CCDC125: variants seen among roughly 807,000 people sequenced by gnomAD.
The protein encoded by CCDC125 is coiled-coil domain-containing protein 125.
CCDC125 carries 43 observed loss-of-function variants against 57.4 expected under a neutral mutation model. The observed-to-expected ratio is 0.75, with a 90% CI of 0.59 to 0.97. The LOEUF (loss-of-function observed/expected upper bound fraction) is 0.97, where lower values mean the gene tolerates loss of function less well. Among genes scored for constraint, CCDC125 ranks in the 50% least tolerant of loss-of-function variants. The pLI is 0.00. For synonymous variants in CCDC125, 187 were observed against 195.2 expected (o/e 0.96, Z 0.35); for missense variants, 563 against 595.7 (o/e 0.95, Z 0.57).
chr5:69,319,703 G>A (rs544540512), intron 2 of CCDC125, among the ~76,000 whole-genome samples: 2 of 151,494 alleles, frequency 1.3e-5, no homozygotes, highest in South Asian at 2.1e-4. Flanking sequence ...GGATGGTCTC[G>A]ATCTCTTGAC....
In CCDC125 at chr5:69,297,347, A is replaced by ATATTTATTTATT. The variant is rs376399179; in HGVS notation, c.817-2459_817-2448dup. ...TGAGCCACTGCGGCTGGCCTGTGCCATATTTATTTATTTATTTATTTATTT... is the reference window on the plus strand; with the variant it reads ...TGAGCCACTGCGGCTGGCCTGTGCCATATTTATTTATTTATTTATTTATTTATTTATTTATTT... On this transcript the variant is annotated intron_variant, in intron 8 of 11. Transcript: ENST00000396496. Among the ~76,000 whole-genome samples, 456 of 150,984 alleles carry ATATTTATTTATT rather than the reference A, an allele frequency of 3.0e-3. 4 individuals are homozygous for ATATTTATTTATT. Among genetic ancestry groups the ATATTTATTTATT allele is most frequent in the African/African-American group, 0.011 (441 of 40,972 alleles).
chr5:69,304,478 T>C (rs2150454662), intron 6 of CCDC125, among the ~76,000 whole-genome samples: 1 of 147,392 alleles, frequency 6.8e-6, no homozygotes, highest in South Asian at 2.2e-4. Context: ...TAGGCTGGAG[T>C]GCAGTCATGT....
At chr5:69,286,424 G>A (rs1427806321) in intron 10 of CCDC125, among the ~76,000 whole-genome samples, 1 of 150,792 alleles carries the variant, frequency 6.6e-6, no homozygotes, top group African/African-American at 2.4e-5. Flanking sequence ...AGTAGAGATG[G>A]GGTTTCACTG....
downstream of CCDC125, among the ~76,000 whole-genome samples, chr5:69,275,249 A>G (rs1312411756): frequency 6.6e-6 from 1 of 152,212 alleles, no homozygotes; most frequent in African/African-American, 2.4e-5. Context: ...ATCTTGGAGA[A>G]GCCCTTCCAA....
chr5:69,298,969 T>C (rs898074399), intron 8 of CCDC125, among the ~76,000 whole-genome samples: 1 of 152,200 alleles, frequency 6.6e-6, no homozygotes, highest in Non-Finnish European at 1.5e-5. Flanking sequence ...AGTGGGGATT[T>C]TAACAGTACC....
chr5:69,279,421 C>A (rs1186306033), downstream of CCDC125, among the ~76,000 whole-genome samples: 1 of 152,298 alleles, frequency 6.6e-6, no homozygotes, highest in East Asian at 1.9e-4. Context: ...TGGTCTCTAT[C>A]TCCTGACCTC....
At chr5:69,278,498 C>T (rs1752312907), downstream of CCDC125, among the ~76,000 whole-genome samples, 2 of 152,024 alleles carry the variant, frequency 1.3e-5, no homozygotes, top group Non-Finnish European at 2.9e-5. Flanking sequence ...CAGGTGTGAG[C>T]CACCGCGCCC....
chr5:69,289,737 C>T (rs1382614900), intron 10 of CCDC125, among the ~76,000 whole-genome samples: 2 of 151,570 alleles, frequency 1.3e-5, no homozygotes, highest in Non-Finnish European at 2.9e-5. Context: ...GTGGCACATG[C>T]CTGAAGTCCC....
chr5:69,307,198 T>C (rs1362669951), intron 5 of CCDC125, among the ~76,000 whole-genome samples: 3 of 151,990 alleles, frequency 2.0e-5, no homozygotes, highest in Admixed American at 6.6e-5. Flanking sequence ...CCGCTGCATG[T>C]AGAGACCTCA....
chr5:69,291,526 T>G (rs549925473), intron 10 of CCDC125, among the ~76,000 whole-genome samples: 2 of 152,208 alleles, frequency 1.3e-5, no homozygotes. Flanking sequence ...GGCTAATTTT[T>G]GTGTTTTTAG....
chr5:69,315,765 A>C (rs1324716964), intron 2 of CCDC125, among the ~76,000 whole-genome samples: 7 of 129,036 alleles, frequency 5.4e-5, no homozygotes, highest in African/African-American at 1.4e-4. Context: ...CGTCTCAAAA[A>C]AAAAAAAAAA....
At chr5:69,313,311 G>T in intron 3 of CCDC125, 1 of 776,050 alleles carries the variant, frequency 1.3e-6, no homozygotes, top group Non-Finnish European at 2.1e-6. Context: ...GGGGCAGCCT[G>T]CAACCCCCGA....
chr5:69,315,459 A>C (rs982321685), intron 2 of CCDC125, among the ~76,000 whole-genome samples: 3 of 7,748 alleles, frequency 3.9e-4, no homozygotes, highest in African/African-American at 5.4e-4. Context: ...ACAAAAAAAA[A>C]AACAAAAAAA....
intron 1 of CCDC125, among the ~76,000 whole-genome samples, chr5:69,327,983 G>A (rs371662762): frequency 1.3e-5 from 2 of 152,080 alleles, no homozygotes; most frequent in African/African-American, 4.8e-5. Context: ...TGCAACCTCC[G>A]CCTCCCAGGT....
At chr5:69,283,493 T>G (rs560250143) in intron 11 of CCDC125, among the ~76,000 whole-genome samples, 1 of 151,918 alleles carries the variant, frequency 6.6e-6, no homozygotes, top group Admixed American at 6.6e-5. Flanking sequence ...GTGCTGGGAT[T>G]ACAGGCGTGA....
intron 4 of CCDC125, chr5:69,309,325 G>A (rs1350520322): frequency 6.6e-6 from 1 of 152,170 alleles, no homozygotes; most frequent in Non-Finnish European, 1.5e-5. Context: ...TGGTTTCGTG[G>A]GCAGGGCCCA....
downstream of CCDC125, chr5:69,277,056 C>G: frequency 3.3e-6 from 5 of 1,500,014 alleles, no homozygotes; most frequent in Non-Finnish European, 4.5e-6. Flanking sequence ...AGAATGTGAA[C>G]TTTGTTAAAT....
chr5:69,329,154 T>C (rs973763233), intron 1 of CCDC125, among the ~76,000 whole-genome samples: 4 of 151,752 alleles, frequency 2.6e-5, no homozygotes, highest in Non-Finnish European at 5.9e-5. Context: ...CTAAAATAGA[T>C]GTGTCAACGT....
intron 1 of CCDC125, among the ~76,000 whole-genome samples, chr5:69,323,300 C>A (rs1267802278): frequency 6.6e-6 from 1 of 150,914 alleles, no homozygotes; most frequent in Non-Finnish European, 1.5e-5. Flanking sequence ...CAGAGAAAGA[C>A]TCCATCTCAA....
Sources: allele counts gnomAD v4.1 joint callset (sites outside exome capture counted in the v4.1 genomes callset), GRCh38; gene constraint gnomAD v4.1.1; transcripts MANE v1.5; gene names NCBI Gene and HGNC (gene_info 2026-07-23, HGNC 2026-07-21).